Variants in MYRF observed in about 807,000 individuals in gnomAD.
The protein encoded by MYRF is myelin gene regulatory factor.
Under a neutral mutation model 126.3 loss-of-function variants are expected in MYRF, and 16 were observed. That is an observed-to-expected ratio of 0.13 (90% CI 0.09 to 0.19). MYRF has a LOEUF of 0.19. Among genes scored for constraint, MYRF ranks in the 10% least tolerant of loss-of-function variants. The probability of loss-of-function intolerance (pLI) is 1.00; values close to 1 mark genes in which losing one functional copy is unlikely to be tolerated. For missense variants in MYRF, 1,104 were observed against 1,547.0 expected (o/e 0.71, Z 4.80); for synonymous variants, 608 against 635.3 (o/e 0.96, Z 0.65).
At chr11:61,780,592 G>A in intron 18 of MYRF, 120 bp from the exon 19 acceptor site, 1 of 1,011,476 alleles carries the variant, frequency 9.9e-7, no homozygotes, top group Non-Finnish European at 1.5e-6. Context: ...GAGGGCCAGG[G>A]CAGGGCCTTG....
At chr11:61,774,576 T>G (rs1302482626) in intron 8 of MYRF, among the ~76,000 whole-genome samples, 1 of 150,546 alleles carries the variant, frequency 6.6e-6, no homozygotes, top group Non-Finnish European at 1.5e-5. Flanking sequence ...TGTGTGTGTA[T>G]GTGTGTGTAA....
In MYRF at chr11:61,780,270, G is replaced by C; in HGVS notation, c.2385G>C (p.Glu795Asp). 1 of 1,613,618 alleles carries C rather than the reference G, an allele frequency of 6.2e-7. No individual in the cohort carries two copies. Among genetic ancestry groups the C allele is most frequent in the Non-Finnish European group, 8.5e-7 (1 of 1,179,756 alleles). ...ACGTGCTGAGCCTGCGCACAGAGGA[G>C]GACCTGGTAGACACTGATGGGTAGG... ...TLYVLSLRTE[E>D]DLVDTDGSFA... Residue 795 changes from glutamate (E) to aspartate (D), a missense_variant, in exon 18 of 27, where the codon GAG (glutamate) becomes GAC (aspartate). This residue lies in a region of MYRF where 323 missense variants were observed against 383.1 expected (regional missense o/e 0.84). Transcript: ENST00000278836.
At position 61,777,202 on chromosome 11, in the gene MYRF, C is replaced by T; in HGVS notation, c.1591-62C>T. ...GGCTGCTGTGGAGTTTCCCCCTGCT[C>T]CCAGGGCCCTGCAGGTCCCCTCCCT... On this transcript the variant is annotated intron_variant, in intron 11 of 26. Coordinates refer to ENST00000278836, the MANE Select transcript of MYRF (RefSeq NM_001127392.3). The surrounding 1 kb of genome is among the most constrained non-coding windows in gnomAD (Gnocchi z 8.8). The T allele has an allele frequency of 6.5e-7, 1 of 1,547,208 alleles. No individual in the cohort carries two copies. Among genetic ancestry groups the T allele is most frequent in the Non-Finnish European group, 8.8e-7 (1 of 1,135,430 alleles).
chr11:61,761,621 C>T (rs890607930), intron 1 of MYRF, among the ~76,000 whole-genome samples: 12 of 152,204 alleles, frequency 7.9e-5, no homozygotes, highest in South Asian at 4.1e-4. Context: ...ATGGCCTGGC[C>T]GAGGTCCCTC....
rs2065824241 is a variant in MYRF, at chr11:61,758,623, C to A, written c.46+5833C>A. Among the ~76,000 whole-genome samples the A allele has an allele frequency of 2.0e-5, 3 of 152,194 alleles. No individual in the cohort carries two copies. The South Asian group carries it at 6.2e-4, about 32-fold the overall frequency. ...GTGTTTGTGTACATGCGTGTCCTGG[C>A]ATATACACCTGTGAAGTGTGCTGAG... is the stretch of plus-strand genomic sequence containing the variant. On this transcript the variant is annotated intron_variant, in intron 1 of 26. Coordinates refer to ENST00000278836, the MANE Select transcript of MYRF (RefSeq NM_001127392.3).
In MYRF at chr11:61,771,945, A is replaced by G. The variant is rs573698872; in HGVS notation, c.1108A>G (p.Lys370Glu). ...GGCGACCCTGTACGATGCTAACTACAAGGAGCTGTGAGTGCCCTACAACAC... is the reference window on the plus strand; with the variant it reads ...GGCGACCCTGTACGATGCTAACTACGAGGAGCTGTGAGTGCCCTACAACAC... The part of the protein sequence containing the change: ...KWATLYDANY[K>E]ELPMLTYRVD... Residue 370 changes from lysine (K) to glutamate (E), a missense_variant, in exon 7 of 27, where the codon AAG becomes GAG. Physicochemically the swap from Lys to Glu is moderately conservative, Grantham distance 56 (BLOSUM62 1). Coordinates refer to ENST00000278836, the MANE Select transcript of MYRF (RefSeq NM_001127392.3). 5 of 1,613,934 alleles carry G rather than the reference A, an allele frequency of 3.1e-6. No homozygotes were observed. The highest frequency in any genetic ancestry group is 1.6e-4 in the Middle Eastern group (1 of 6,062).
Position 61,778,653 on chromosome 11 carries a change from G to T in MYRF, c.2013+164G>T, listed in dbSNP as rs575968929. On this transcript the variant is annotated intron_variant, in intron 14 of 26. Transcript: ENST00000278836. The surrounding 1 kb of genome is among the most constrained non-coding windows in gnomAD (Gnocchi z 4.6). ...GCCCTCTGCACCCCACAGGGAAGGG[G>T]TGAGTGTTCAAGGAGATGAGTGGGT... 1.5e-3 allele frequency among the ~76,000 whole-genome samples: 234 copies of T among 152,306 alleles called. No individual in the cohort carries two copies. Among genetic ancestry groups the T allele is most frequent in the African/African-American group, 5.3e-3 (219 of 41,558 alleles).
At position 61,778,815 on chromosome 11, in the gene MYRF, ATACGTGG is replaced by A. The variant is rs961338860; in HGVS notation, c.2013+328_2013+334del. On this transcript the variant is annotated intron_variant, in intron 14 of 26. Transcript: ENST00000278836. The surrounding 1 kb of genome is among the most constrained non-coding windows in gnomAD (Gnocchi z 4.6). ...CTCGTATGGTTACCTCCAGGCTGAA[ATACGTGG>A]TTTATTGTGAGGACGACGTTTGTCA... The A allele has an allele frequency of 3.9e-5, 22 of 562,336 alleles. No homozygotes were observed. Among genetic ancestry groups the A allele is most frequent in the Non-Finnish European group, 6.4e-5 (19 of 295,816 alleles). 34.8% of individuals were successfully genotyped at this position (562,336 alleles called of 1,614,324 possible). A position where few individuals can be genotyped will look rare whatever the true frequency, so the allele number is the denominator to read the frequency against.
chr11:61,775,223 C>T (rs1335774703), intron 8 of MYRF, among the ~76,000 whole-genome samples: 1 of 152,208 alleles, frequency 6.6e-6, no homozygotes, highest in Non-Finnish European at 1.5e-5. Flanking sequence ...CCTTCCAAGG[C>T]CCCCAGTGTC....
At chr11:61,774,534 G>GAAAAAAAAAAAAAAAAAAAAAAAAAA (rs11320420) in intron 8 of MYRF, among the ~76,000 whole-genome samples, 1 of 137,362 alleles carries the variant, frequency 7.3e-6, no homozygotes, top group Non-Finnish European at 1.6e-5. Context: ...AAAAAAAAAA[G>GAAAAAAAAAAAAAAAAAAAAAAAAAA]AAAAAAAAAA....
At chr11:61,779,447 G>A in intron 15 of MYRF, 24 bp downstream of exon 15, 1 of 1,549,322 alleles carries the variant, frequency 6.5e-7, no homozygotes, top group Non-Finnish European at 8.7e-7. Context: ...GTGGGGGAAG[G>A]TGAGACCCTT....
intron 1 of MYRF, among the ~76,000 whole-genome samples, chr11:61,753,387 C>T (rs2065659901): frequency 6.6e-6 from 1 of 152,046 alleles, no homozygotes; most frequent in Non-Finnish European, 1.5e-5. Flanking sequence ...CCTGGATCCC[C>T]TTGGAGACTG....
chr11:61,766,020 T>C lies in MYRF; in HGVS notation c.197T>C (p.Met66Thr). Residue 66 changes from methionine to threonine, a missense_variant, in exon 3 of 27, where the codon ATG (methionine) becomes ACG (threonine). By Grantham distance (81) the Met-to-Thr change is moderately conservative. Coordinates refer to ENST00000278836, the MANE Select transcript of MYRF (RefSeq NM_001127392.3). ...SASYSHGQPA[M>T]PGSSGVHHLS... ...TCCTACTCCCACGGGCAGCCTGCGA[T>C]GCCTGGCTCCAGCGGGGTCCACCAC... 2 of 1,589,062 alleles carry C rather than the reference T, an allele frequency of 1.3e-6. No individual in the cohort carries two copies. The highest frequency in any genetic ancestry group is 8.5e-7 in the Non-Finnish European group (1 of 1,169,846).
At chr11:61,775,441 C>G (rs963325390) in intron 8 of MYRF, among the ~76,000 whole-genome samples, 2 of 152,208 alleles carry the variant, frequency 1.3e-5, no homozygotes, top group Non-Finnish European at 2.9e-5. Flanking sequence ...TCCCCTAAGA[C>G]CCATTGGGAG....
At position 61,780,983 on chromosome 11, in the gene MYRF, C is replaced by T. The variant is rs200193085; in HGVS notation, c.2510C>T (p.Thr837Met). The change falls in exon 20 of 27, where the codon ACG becomes ATG. Residue 837 changes from threonine (T) to methionine (M), a missense_variant. Physicochemically the swap from Thr to Met is moderately conservative, Grantham distance 81. Around this residue, in one of 10 missense-constraint regions of MYRF, gnomAD observed 323 missense variants for 383.1 expected, o/e 0.84. Transcript: ENST00000278836. ...AGGTCCAGCCAGAGCTTTGGGACCA[C>T]GCAGCTCCGACAGTCCCCCTTGACC... ...CPWSSQSFGT[T>M]QLRQSPLTTG... The T allele has an allele frequency of 3.8e-5, 61 of 1,609,996 alleles. No individual in the cohort carries two copies. Among genetic ancestry groups the T allele is most frequent in the Middle Eastern group, 3.4e-4 (2 of 5,884 alleles).
chr11:61,777,793 C>T lies in MYRF; in HGVS notation c.1851C>T (p.Tyr617=), dbSNP rs1459052076. ...GCATGCGGCTGGTGCACTACAGATA[C>T]AAGCCCGAGTTCGCCGCCAGCGCGG... ...ISRMRLVHYR[Y]KPEFAASAGI... The change falls in exon 13 of 27, where the codon TAC becomes TAT. Residue 617 remains tyrosine (Y), a synonymous_variant. Transcript: ENST00000278836. This position sits in a 1 kb window ranked among gnomAD's most constrained non-coding sequence, Gnocchi z 8.8. The T allele has an allele frequency of 6.4e-7, 1 of 1,552,618 alleles. No individual in the cohort carries two copies. The highest frequency in any genetic ancestry group is 8.7e-7 in the Non-Finnish European group (1 of 1,147,710).
At position 61,777,562 on chromosome 11, in the gene MYRF, G is replaced by T; in HGVS notation, c.1791+98G>T. The stretch of plus-strand genomic sequence containing the variant: ...GGGGGCGTGACTACGCGGAAAGGCG[G>T]AGCTGCGGGGGAAGGAAGGGAGGGA... On this transcript the variant is annotated intron_variant, in intron 12 of 26. Coordinates refer to ENST00000278836, the MANE Select transcript of MYRF (RefSeq NM_001127392.3). The surrounding 1 kb of genome is among the most constrained non-coding windows in gnomAD (Gnocchi z 8.8). 9 of 1,441,150 alleles carry T rather than the reference G, an allele frequency of 6.2e-6. No homozygotes were observed. Among genetic ancestry groups the T allele is most frequent in the Non-Finnish European group, 8.5e-6 (9 of 1,061,440 alleles). The allele number at this position is 1,441,150 out of a possible 1,614,324, so 89.3% of individuals were successfully genotyped here.
chr11:61,768,618 G>A (rs896297416), intron 3 of MYRF: 1 of 152,314 alleles, frequency 6.6e-6, no homozygotes, highest in African/African-American at 2.4e-5. Context: ...TGGGAATGGG[G>A]AGTTGCTCCA....
intron 25 of MYRF, chr11:61,785,540 G>A: frequency 1.8e-6 from 1 of 545,546 alleles, no homozygotes; most frequent in Non-Finnish European, 3.3e-6. Context: ...AGGGAACCCA[G>A]CACAACAGGA....
Sources: allele counts gnomAD v4.1 joint callset (sites outside exome capture counted in the v4.1 genomes callset), GRCh38; gene constraint gnomAD v4.1.1; regional missense constraint gnomAD v4.1.1; non-coding constraint Gnocchi (gnomAD v3.1); transcripts MANE v1.5; gene names NCBI Gene and HGNC (gene_info 2026-07-23, HGNC 2026-07-21).